Variants in ASTN2 observed in about 807,000 individuals in gnomAD.
ASTN2 encodes astrotactin-2.
Under a neutral mutation model 139.8 loss-of-function variants are expected in ASTN2, and 54 were observed. That is an observed-to-expected ratio of 0.39 (90% CI 0.31 to 0.48). ASTN2 has a LOEUF of 0.48. ASTN2 is among the 20% of genes least tolerant of loss of function. The pLI is 0.95. For missense variants in ASTN2, 1,565 were observed against 1,725.1 expected (o/e 0.91, Z 1.64); for synonymous variants, 756 against 719.5 (o/e 1.05, Z -0.81).
At chr9:116,652,697 A>G (rs937179820) in intron 16 of ASTN2, among the ~76,000 whole-genome samples, 1 of 152,228 alleles carries the variant, frequency 6.6e-6, no homozygotes, top group Non-Finnish European at 1.5e-5. Flanking sequence ...TCAGTTATGA[A>G]TAGCAAATGA....
At chr9:117,144,619 G>A (rs1830148332) in intron 3 of ASTN2, among the ~76,000 whole-genome samples, 1 of 147,518 alleles carries the variant, frequency 6.8e-6, no homozygotes, top group Non-Finnish European at 1.5e-5. Flanking sequence ...AGTAAGAGGA[G>A]GAACACTGTA....
chr9:116,437,540 C>T (rs749425356), intron 22 of ASTN2: 12 of 471,118 alleles, frequency 2.5e-5, no homozygotes, highest in South Asian at 4.6e-5. Flanking sequence ...GGCGGCCCGG[C>T]CGCCTTTCCA....
At chr9:117,302,490 G>A (rs75306164) in intron 1 of ASTN2, among the ~76,000 whole-genome samples, 5,490 of 152,136 alleles carry the variant, frequency 0.036, 325 homozygotes, top group African/African-American at 0.12. Flanking sequence ...AGCAGTATGC[G>A]GGACAAGGAG....
intron 3 of ASTN2, among the ~76,000 whole-genome samples, chr9:117,209,554 A>C (rs1422652711): frequency 6.6e-6 from 1 of 152,170 alleles, no homozygotes; most frequent in Non-Finnish European, 1.5e-5. Flanking sequence ...TGATACATAA[A>C]GTAAATATTA....
intron 1 of ASTN2, among the ~76,000 whole-genome samples, chr9:117,311,370 G>T (rs925731995): frequency 6.6e-6 from 1 of 152,102 alleles, no homozygotes; most frequent in Non-Finnish European, 1.5e-5. Flanking sequence ...GATTTTCAGA[G>T]CCCTGTTTCC....
intron 10 of ASTN2, among the ~76,000 whole-genome samples, chr9:116,953,356 G>A (rs1835617546): frequency 6.6e-6 from 1 of 152,132 alleles, no homozygotes; most frequent in African/African-American, 2.4e-5. Flanking sequence ...ACTGCAAATT[G>A]TTTTGGCTAG....
In ASTN2 at chr9:117,211,460, T is replaced by A. The variant is rs371053196; in HGVS notation, c.1015+2898A>T. 2.6e-5 allele frequency among the ~76,000 whole-genome samples: 4 copies of A among 152,258 alleles called. No individual in the cohort carries two copies. The East Asian group carries it at 7.7e-4, about 29-fold the overall frequency. ...CTCACGAGATCTGTTTGTTTAAAAG[T>A]GTTTAGCACTTCTCCCATTGCTCTC... On this transcript the variant is annotated intron_variant, in intron 3 of 22. Transcript: ENST00000313400.
rs537747022 is a variant in ASTN2, at chr9:116,720,191, G to A, written c.2806+5580C>T. Among the ~76,000 whole-genome samples the A allele has an allele frequency of 3.9e-5, 6 of 152,266 alleles. No homozygotes were observed. The East Asian group carries it at 1.2e-3, about 29-fold the overall frequency. ...AAAACTCCTTTAAAAAGTAGTCTGG[G>A]AATGTTTCAGCTGACATTCAAAAGC... On this transcript the variant is annotated intron_variant, in intron 16 of 22. Coordinates refer to ENST00000313400, the MANE Select transcript of ASTN2 (RefSeq NM_001365068.1).
At chr9:116,769,638 T>C (rs1052210205) in intron 13 of ASTN2, among the ~76,000 whole-genome samples, 2 of 152,172 alleles carry the variant, frequency 1.3e-5, no homozygotes, top group Non-Finnish European at 2.9e-5. Context: ...GAAACACCTG[T>C]TCCCCTAAGG....
chr9:116,877,546 G>A (rs986773667), intron 10 of ASTN2, among the ~76,000 whole-genome samples: 3 of 152,116 alleles, frequency 2.0e-5, no homozygotes, highest in Non-Finnish European at 4.4e-5. Flanking sequence ...TAAAAATACT[G>A]AATACAGTAA....
chr9:117,277,521 T>G (rs1014067997), intron 2 of ASTN2, among the ~76,000 whole-genome samples: 30 of 152,080 alleles, frequency 2.0e-4, no homozygotes, highest in African/African-American at 7.2e-4. Context: ...GTAGATAAAT[T>G]CCTCAAAAAA....
intron 3 of ASTN2, among the ~76,000 whole-genome samples, chr9:117,146,725 C>T (rs906331205): frequency 6.6e-6 from 1 of 151,906 alleles, no homozygotes; most frequent in Non-Finnish European, 1.5e-5. Flanking sequence ...AATGAGTGCA[C>T]CAAAATCCCA....
intron 13 of ASTN2, among the ~76,000 whole-genome samples, chr9:116,792,927 T>G (rs1234062996): frequency 6.6e-6 from 1 of 152,034 alleles, no homozygotes; most frequent in African/African-American, 2.4e-5. Flanking sequence ...AAGATGGGAA[T>G]AGCAGAAACT....
intron 19 of ASTN2, among the ~76,000 whole-genome samples, chr9:116,529,331 C>T (rs946905741): frequency 1.2e-4 from 19 of 152,080 alleles, no homozygotes; most frequent in Admixed American, 7.2e-4. Context: ...TGTTGGGTTT[C>T]GGACATGCAT....
At chr9:116,891,138 A>C (rs1354903802) in intron 10 of ASTN2, among the ~76,000 whole-genome samples, 2 of 152,184 alleles carry the variant, frequency 1.3e-5, no homozygotes, top group Non-Finnish European at 2.9e-5. Context: ...GTACCTTGAT[A>C]TTTGCATTAG....
At chr9:116,987,725 A>T (rs532752592) in intron 7 of ASTN2, among the ~76,000 whole-genome samples, 1 of 152,346 alleles carries the variant, frequency 6.6e-6, no homozygotes, top group Non-Finnish European at 1.5e-5. Flanking sequence ...AATTAGGCAC[A>T]GCAAGAGATT....
At chr9:117,074,830 A>G (rs902296929) in intron 5 of ASTN2, among the ~76,000 whole-genome samples, 8 of 152,186 alleles carry the variant, frequency 5.3e-5, no homozygotes, top group African/African-American at 1.7e-4. Context: ...TATGCATAGG[A>G]ATGTCTATTT....
intron 4 of ASTN2, among the ~76,000 whole-genome samples, chr9:117,115,911 G>A (rs941916768): frequency 6.6e-6 from 1 of 151,800 alleles, no homozygotes; most frequent in African/African-American, 2.4e-5. Flanking sequence ...TGTAGTCCCA[G>A]CTACTCGGCA....
chr9:116,687,341 G>A, intron 16 of ASTN2: 1 of 907,274 alleles, frequency 1.1e-6, no homozygotes, highest in African/African-American at 1.8e-5. Context: ...GCAGGCGGGT[G>A]GGCTGCCGGC....
Sources: allele counts gnomAD v4.1 joint callset (sites outside exome capture counted in the v4.1 genomes callset), GRCh38; gene constraint gnomAD v4.1.1; transcripts MANE v1.5; gene names NCBI Gene and HGNC (gene_info 2026-07-23, HGNC 2026-07-21).